The following FNBP1L variants were observed in gnomAD, a reference collection of about 807,000 sequenced individuals.
The protein encoded by FNBP1L is formin binding protein 1 like, also known as formin-binding protein 1-like.
Under a neutral mutation model 91.2 loss-of-function variants are expected in FNBP1L, and 36 were observed. That is an observed-to-expected ratio of 0.39 (90% CI 0.30 to 0.52). FNBP1L has a LOEUF of 0.52. Ranked by LOEUF, FNBP1L falls within the 20% of genes least tolerant of loss-of-function variation. The pLI is 0.66. For synonymous variants in FNBP1L, 242 were observed against 237.0 expected (o/e 1.02, Z -0.19); for missense variants, 571 against 732.1 (o/e 0.78, Z 2.54).
intron 7 of FNBP1L, among the ~76,000 whole-genome samples, chr1:93,532,076 A>G (rs17387059): frequency 0.067 from 10,246 of 152,150 alleles, 399 homozygotes; most frequent in South Asian, 0.12. Flanking sequence ...TCTGAGGTGT[A>G]CACTGCAGTA....
intron 7 of FNBP1L, among the ~76,000 whole-genome samples, chr1:93,532,050 C>G (rs1282972767): frequency 2.6e-5 from 4 of 152,122 alleles, no homozygotes; most frequent in Non-Finnish European, 4.4e-5. Flanking sequence ...CCTGTTTTTC[C>G]TCACGTATCC....
At chr1:93,508,680 G>A (rs1242974373) in intron 2 of FNBP1L, among the ~76,000 whole-genome samples, 2 of 152,146 alleles carry the variant, frequency 1.3e-5, no homozygotes, top group Non-Finnish European at 2.9e-5. Context: ...CTTCCTCCCA[G>A]AAGCTAGAGT....
At chr1:93,506,243 T>C (rs1670608791) in intron 2 of FNBP1L, among the ~76,000 whole-genome samples, 1 of 152,218 alleles carries the variant, frequency 6.6e-6, no homozygotes, top group Non-Finnish European at 1.5e-5. Flanking sequence ...CAAAGCCCTT[T>C]GTCTTTTCTT....
At chr1:93,480,664 C>A (rs1181007400) in intron 1 of FNBP1L, among the ~76,000 whole-genome samples, 1 of 151,874 alleles carries the variant, frequency 6.6e-6, no homozygotes, top group Non-Finnish European at 1.5e-5. Context: ...TGGCTCACTG[C>A]AAGCTCCACC....
At chr1:93,467,281 A>T (rs1014766480) in intron 1 of FNBP1L, among the ~76,000 whole-genome samples, 5 of 152,122 alleles carry the variant, frequency 3.3e-5, no homozygotes, top group African/African-American at 4.8e-5. Context: ...AATTTGTTAT[A>T]CACATACAGT....
chr1:93,518,010 A>T (rs1460637487), intron 2 of FNBP1L, among the ~76,000 whole-genome samples: 1 of 152,190 alleles, frequency 6.6e-6, no homozygotes, highest in Non-Finnish European at 1.5e-5. Flanking sequence ...ATTGGCAAGT[A>T]ATACATGGAT....
intron 1 of FNBP1L, among the ~76,000 whole-genome samples, chr1:93,451,613 T>C (rs892100102): frequency 6.6e-6 from 1 of 152,156 alleles, no homozygotes; most frequent in African/African-American, 2.4e-5. Context: ...AGTTTAAGAA[T>C]GTGTAATTTA....
intron 5 of FNBP1L, among the ~76,000 whole-genome samples, chr1:93,525,277 A>G (rs144262668): frequency 6.6e-6 from 1 of 152,138 alleles, no homozygotes; most frequent in African/African-American, 2.4e-5. Context: ...GAGATTAAAA[A>G]TCTCATGTAT....
chr1:93,456,322 C>T (rs916638210), intron 1 of FNBP1L, among the ~76,000 whole-genome samples: 1 of 152,002 alleles, frequency 6.6e-6, no homozygotes, highest in Admixed American at 6.6e-5. Flanking sequence ...TCATGAAAGA[C>T]GGGAAATACT....
intron 1 of FNBP1L, among the ~76,000 whole-genome samples, chr1:93,481,617 T>A (rs371931141): frequency 1.3e-5 from 2 of 152,204 alleles, no homozygotes; most frequent in East Asian, 1.9e-4. Flanking sequence ...AAACTGAGGT[T>A]CAAAATAAAT....
At chr1:93,474,142 G>T (rs907016838) in intron 1 of FNBP1L, among the ~76,000 whole-genome samples, 5 of 152,152 alleles carry the variant, frequency 3.3e-5, no homozygotes, top group African/African-American at 1.2e-4. Context: ...TACTCAGGAG[G>T]TGGAGACAGG....
chr1:93,468,058 A>G (rs958653895), intron 1 of FNBP1L, among the ~76,000 whole-genome samples: 2 of 152,158 alleles, frequency 1.3e-5, no homozygotes, highest in East Asian at 3.9e-4. Context: ...GTGACTTTTC[A>G]TTACCTCAGA....
chr1:93,459,941 ATGTGTGTGTG>A (rs34705153), intron 1 of FNBP1L, among the ~76,000 whole-genome samples: 2,775 of 142,262 alleles, frequency 0.02, 78 homozygotes, highest in African/African-American at 0.063. Flanking sequence ...TGGATTTCAG[ATGTGTGTGTG>A]TGTGTGTGTG....
At chr1:93,511,683 C>G (rs368943828) in intron 2 of FNBP1L, among the ~76,000 whole-genome samples, 1 of 149,076 alleles carries the variant, frequency 6.7e-6, no homozygotes, top group African/African-American at 2.5e-5. Flanking sequence ...GAGTCAAGAC[C>G]CGGCCGGGTG....
chr1:93,456,911 AG>A (rs1242517725), intron 1 of FNBP1L, among the ~76,000 whole-genome samples: 2 of 152,042 alleles, frequency 1.3e-5, no homozygotes, highest in Admixed American at 6.6e-5. Context: ...TTTTTGAGAC[AG>A]GGTCTCACTT....
chr1:93,458,695 T>C (rs1312940024), intron 1 of FNBP1L, among the ~76,000 whole-genome samples: 1 of 152,192 alleles, frequency 6.6e-6, no homozygotes, highest in Non-Finnish European at 1.5e-5. Context: ...GCCCATGGAA[T>C]GGAAGAATAT....
chr1:93,484,791 T>A (rs912456377), intron 1 of FNBP1L, among the ~76,000 whole-genome samples: 7 of 152,218 alleles, frequency 4.6e-5, no homozygotes, highest in African/African-American at 1.4e-4. Flanking sequence ...TGAATGACCC[T>A]GGGCTCAAGT....
At position 93,546,692 on chromosome 1, in the gene FNBP1L, G is replaced by A. The variant is rs1043464246; in HGVS notation, c.1275-150G>A. The A allele has an allele frequency of 2.7e-5, 20 of 729,486 alleles. No individual in the cohort carries two copies. In the South Asian group the frequency reaches 3.7e-4, roughly 13 times the overall value. The allele number at this position is 729,486 out of a possible 1,614,324, so 45.2% of individuals were successfully genotyped here. ...ATATGTTATCACCTTTATGCAAATTGTCTTTAATCAGGTCATGTTAGACAA... is the reference window on the plus strand; with the variant it reads ...ATATGTTATCACCTTTATGCAAATTATCTTTAATCAGGTCATGTTAGACAA... On this transcript the variant is annotated intron_variant, in intron 12 of 16. Coordinates refer to ENST00000271234, the MANE Select transcript of FNBP1L (RefSeq NM_001164473.3).
At position 93,465,979 on chromosome 1, in the gene FNBP1L, T is replaced by A. The variant is rs1486844292; in HGVS notation, c.24+17674T>A. ...GTGATGATGAGCATTTTTTCATGTG[T>A]CTGTTGGCTGCATAAATGTCTTCTT... On this transcript the variant is annotated intron_variant, in intron 1 of 16. Coordinates refer to ENST00000271234, the MANE Select transcript of FNBP1L (RefSeq NM_001164473.3). 2.6e-5 allele frequency among the ~76,000 whole-genome samples: 4 copies of A among 152,376 alleles called. No homozygotes were observed. The East Asian group carries it at 7.7e-4, about 29-fold the overall frequency.
Sources: gnomAD v4.1 joint callset for allele counts (sites outside exome capture counted in the v4.1 genomes callset) on GRCh38, gnomAD v4.1.1 for gene constraint, MANE v1.5 for transcripts, NCBI Gene and HGNC (gene_info 2026-07-23, HGNC 2026-07-21) for gene names.